The following PDSS2 variants were observed in gnomAD, a reference collection of about 807,000 sequenced individuals.
The protein encoded by PDSS2 is decaprenyl diphosphate synthase subunit 2.
A neutral mutation model predicts 44.5 loss-of-function variants in PDSS2; 31 were observed. The ratio of observed to expected loss-of-function variants is 0.70; its 90% CI spans 0.52 to 0.94. The LOEUF (loss-of-function observed/expected upper bound fraction) is 0.94, where lower values mean the gene tolerates loss of function less well. Ranked by LOEUF, PDSS2 falls within the 40% of genes least tolerant of loss-of-function variation. The pLI is 0.00. For synonymous variants in PDSS2, 157 were observed against 180.3 expected, an observed-to-expected ratio of 0.87 and a Z score of 1.03; for missense variants, 452 against 482.2, an observed-to-expected ratio of 0.94 and a Z score of 0.59.
intron 1 of PDSS2, among the ~76,000 whole-genome samples, chr6:107,365,650 C>T (rs370481127): frequency 3.3e-5 from 5 of 151,976 alleles, no homozygotes; most frequent in East Asian, 1.9e-4. Context: ...TAGAAAAAGA[C>T]GGTAATAGGT....
At chr6:107,408,448 T>C (rs1034719445) in intron 1 of PDSS2, among the ~76,000 whole-genome samples, 6 of 152,330 alleles carry the variant, frequency 3.9e-5, no homozygotes, top group South Asian at 2.1e-4. Context: ...GGACATGCTA[T>C]AGGGATTGGA....
intron 2 of PDSS2, among the ~76,000 whole-genome samples, chr6:107,297,866 C>T (rs956876360): frequency 6.6e-6 from 1 of 152,084 alleles, no homozygotes; most frequent in Non-Finnish European, 1.5e-5. Context: ...GTACCTCGGA[C>T]ACCCGAGTAG....
At chr6:107,280,332 G>A (rs1775920968) in intron 2 of PDSS2, among the ~76,000 whole-genome samples, 1 of 152,122 alleles carries the variant, frequency 6.6e-6, no homozygotes, top group African/African-American at 2.4e-5. Context: ...AAAGTGCTGG[G>A]ATTACAGGCC....
At chr6:107,253,767 T>C (rs1774906623) in intron 3 of PDSS2, among the ~76,000 whole-genome samples, 1 of 152,218 alleles carries the variant, frequency 6.6e-6, no homozygotes, top group Non-Finnish European at 1.5e-5. Context: ...CTTGGACTAC[T>C]GAAGCAATGC....
At chr6:107,327,722 G>A (rs951943315) in intron 2 of PDSS2, among the ~76,000 whole-genome samples, 1 of 152,206 alleles carries the variant, frequency 6.6e-6, no homozygotes, top group Non-Finnish European at 1.5e-5. Context: ...CTCCCAAAGT[G>A]CTGGGATTAC....
chr6:107,214,217 C>T (rs1250561376), intron 4 of PDSS2, among the ~76,000 whole-genome samples: 1 of 151,822 alleles, frequency 6.6e-6, no homozygotes, highest in Admixed American at 6.6e-5. Context: ...CATTCTCCTG[C>T]CTCAGCCTCT....
intron 1 of PDSS2, among the ~76,000 whole-genome samples, chr6:107,451,650 T>C (rs1041379816): frequency 2.6e-5 from 4 of 152,196 alleles, no homozygotes; most frequent in Non-Finnish European, 5.9e-5. Flanking sequence ...ACAGCTACAC[T>C]TAATGCACCA....
intron 3 of PDSS2, among the ~76,000 whole-genome samples, chr6:107,268,535 ACTT>A (rs1775485596): frequency 6.6e-6 from 1 of 152,194 alleles, no homozygotes; most frequent in Non-Finnish European, 1.5e-5. Context: ...TAGAACAATA[ACTT>A]CTTTATACTG....
At chr6:107,331,414 C>T (rs1777707247) in intron 2 of PDSS2, among the ~76,000 whole-genome samples, 1 of 152,012 alleles carries the variant, frequency 6.6e-6, no homozygotes, top group Non-Finnish European at 1.5e-5. Flanking sequence ...GTATAAAGCC[C>T]ATTTATGTTA....
At chr6:107,449,390 G>A (rs1781792617) in intron 1 of PDSS2, among the ~76,000 whole-genome samples, 1 of 152,122 alleles carries the variant, frequency 6.6e-6, no homozygotes, top group Non-Finnish European at 1.5e-5. Context: ...CCAATCTCCA[G>A]AACTTTTTAT....
chr6:107,322,209 GT>G (rs1562461126), intron 2 of PDSS2, among the ~76,000 whole-genome samples: 1 of 152,148 alleles, frequency 6.6e-6, no homozygotes, highest in Non-Finnish European at 1.5e-5. Context: ...AGTTAAGGAT[GT>G]TTTACTCCAC....
chr6:107,361,322 A>T (rs921053216), intron 1 of PDSS2, among the ~76,000 whole-genome samples: 1 of 152,240 alleles, frequency 6.6e-6, no homozygotes, highest in Non-Finnish European at 1.5e-5. Context: ...CATTTTAAGT[A>T]CATACTTCAG....
Position 107,264,664 on chromosome 6 carries a change from C to T in PDSS2, c.630+9365G>A, listed in dbSNP as rs535368038. Among the ~76,000 whole-genome samples the T allele has an allele frequency of 2.0e-5, 3 of 152,254 alleles. No individual in the cohort carries two copies. In the East Asian group the frequency reaches 5.8e-4, roughly 29 times the overall value. On this transcript the variant is annotated intron_variant, in intron 3 of 7. Coordinates refer to ENST00000369037, the MANE Select transcript of PDSS2 (RefSeq NM_020381.4). ...ACTGTGGCTTAATCCTAAATACAAA[C>T]CCAGTCTAAATAAATACAAAGACCA...
intron 4 of PDSS2, among the ~76,000 whole-genome samples, chr6:107,234,433 G>A (rs1430938896): frequency 2.6e-5 from 4 of 151,934 alleles, no homozygotes; most frequent in Non-Finnish European, 5.9e-5. Flanking sequence ...TCAAACTCCT[G>A]ACCTTAGGTG....
chr6:107,287,536 T>A (rs1480963956), intron 2 of PDSS2, among the ~76,000 whole-genome samples: 4 of 152,210 alleles, frequency 2.6e-5, no homozygotes, highest in Non-Finnish European at 2.9e-5. Flanking sequence ...ATTTTATTTT[T>A]TTTGAGATGG....
chr6:107,359,368 A>C (rs551813257), intron 1 of PDSS2, among the ~76,000 whole-genome samples: 1 of 151,862 alleles, frequency 6.6e-6, no homozygotes, highest in Non-Finnish European at 1.5e-5. Context: ...CATGCCTGTA[A>C]TGCCAGCACT....
At chr6:107,341,952 A>G (rs545366840) in intron 1 of PDSS2, among the ~76,000 whole-genome samples, 26 of 152,340 alleles carry the variant, frequency 1.7e-4, no homozygotes, top group Non-Finnish European at 3.4e-4. Flanking sequence ...GAGGAAAATT[A>G]GCATGGAGGC....
chr6:107,296,659 G>A (rs575272383), intron 2 of PDSS2, among the ~76,000 whole-genome samples: 12 of 152,080 alleles, frequency 7.9e-5, no homozygotes, highest in South Asian at 2.1e-4. Flanking sequence ...TCCAGGAGGC[G>A]GAGGTTGCAG....
At chr6:107,379,068 G>A (rs1482004502) in intron 1 of PDSS2, among the ~76,000 whole-genome samples, 2 of 152,180 alleles carry the variant, frequency 1.3e-5, no homozygotes, top group African/African-American at 4.8e-5. Flanking sequence ...GAGTCCCGGG[G>A]AAGTTATGCT....
Sources: allele counts gnomAD v4.1 joint callset (sites outside exome capture counted in the v4.1 genomes callset), GRCh38; gene constraint gnomAD v4.1.1; transcripts MANE v1.5; gene names NCBI Gene and HGNC (gene_info 2026-07-23, HGNC 2026-07-21).